The following TACC1 variants were observed in gnomAD, a reference collection of about 807,000 sequenced individuals.
TACC1 encodes transforming acidic coiled-coil containing protein 1.
Under a neutral mutation model 84.4 loss-of-function variants are expected in TACC1, and 48 were observed. That is an observed-to-expected ratio of 0.57 (90% CI 0.45 to 0.72). The LOEUF is 0.72. TACC1 is among the 30% of genes least tolerant of loss of function. The probability of loss-of-function intolerance (pLI) is 0.00; values close to 1 mark genes in which losing one functional copy is unlikely to be tolerated. For synonymous variants in TACC1, 372 were observed against 376.3 expected, an observed-to-expected ratio of 0.99 and a Z score of 0.13; for missense variants, 920 against 973.0, an observed-to-expected ratio of 0.95 and a Z score of 0.72.
intron 1 of TACC1, among the ~76,000 whole-genome samples, chr8:38,729,463 C>T (rs1473659008): frequency 1.3e-5 from 2 of 152,346 alleles, no homozygotes; most frequent in East Asian, 3.9e-4. Context: ...CATGTGCTGA[C>T]ACTGGACCTG....
chr8:38,802,628 G>A (rs984185027), intron 2 of TACC1, among the ~76,000 whole-genome samples: 2 of 152,190 alleles, frequency 1.3e-5, no homozygotes, highest in African/African-American at 2.4e-5. Context: ...AAGAAAAAAG[G>A]TTTATTTGGC....
At chr8:38,737,730 CTT>C (rs11327216) in intron 1 of TACC1, among the ~76,000 whole-genome samples, 10 of 143,298 alleles carry the variant, frequency 7.0e-5, no homozygotes, top group Admixed American at 7.0e-5. Flanking sequence ...GGGAGCCATT[CTT>C]TTTTTTTTTT....
At chr8:38,745,877 A>T (rs1367391858) in intron 3 of TACC1, among the ~76,000 whole-genome samples, 1 of 146,212 alleles carries the variant, frequency 6.8e-6, no homozygotes, top group Non-Finnish European at 1.5e-5. Context: ...ATGAGGTCTC[A>T]CTCTGTCACA....
chr8:38,806,258 G>A (rs891050173), intron 2 of TACC1, among the ~76,000 whole-genome samples: 4 of 152,172 alleles, frequency 2.6e-5, no homozygotes, highest in Admixed American at 6.5e-5. Flanking sequence ...GCTCTCAGTG[G>A]TGTGACAGTA....
At chr8:38,734,425 A>C (rs978373461) in intron 1 of TACC1, among the ~76,000 whole-genome samples, 2 of 151,966 alleles carry the variant, frequency 1.3e-5, no homozygotes, top group African/African-American at 4.8e-5. Flanking sequence ...TGAACTTCTG[A>C]CCTCAGGTGA....
At chr8:38,751,961 T>C (rs1260427575) in intron 3 of TACC1, among the ~76,000 whole-genome samples, 3 of 152,216 alleles carry the variant, frequency 2.0e-5, no homozygotes, top group African/African-American at 7.2e-5. Context: ...TGTTATTTTT[T>C]TCCTGGTGCT....
chr8:38,749,148 A>C (rs1000869758), intron 3 of TACC1, among the ~76,000 whole-genome samples: 1 of 152,208 alleles, frequency 6.6e-6, no homozygotes, highest in Non-Finnish European at 1.5e-5. Context: ...GTTATGAACA[A>C]CTTTATGACA....
At chr8:38,785,721 C>G, upstream of TACC1, 7 of 985,376 alleles carry the variant, frequency 7.1e-6, no homozygotes, top group Non-Finnish European at 8.4e-6. Flanking sequence ...GACTGTAGAA[C>G]CTGAAGTTTT....
rs779300910 is a variant in TACC1, at chr8:38,819,732, C to T, written c.488C>T (p.Ser163Leu). The T allele has an allele frequency of 8.7e-6, 14 of 1,613,986 alleles. No individual in the cohort carries two copies. The highest frequency in any genetic ancestry group is 1.7e-5 in the Admixed American group (1 of 60,002). The change falls in exon 3 of 13, where the codon TCG becomes TTG. Residue 163 changes from serine to leucine, a missense_variant. By Grantham distance (145) the Ser-to-Leu change is moderately radical. Around this residue, in one of 2 missense-constraint regions of TACC1, gnomAD observed 762 missense variants for 747.3 expected, o/e 1.02. Transcript: ENST00000317827. The stretch of plus-strand genomic sequence containing the variant: ...GAAACGAAGGATTCCACGGATATCT[C>T]GGCAGTCCTCGGAACAAAAGCAGCT... ...SIETKDSTDI[S>L]AVLGTKAAHG...
chr8:38,816,301 T>A (rs1038757977), intron 2 of TACC1, among the ~76,000 whole-genome samples: 26 of 152,344 alleles, frequency 1.7e-4, no homozygotes, highest in Non-Finnish European at 2.2e-4. Context: ...AGTATCATTT[T>A]AAAAAAATCT....
intron 3 of TACC1, among the ~76,000 whole-genome samples, chr8:38,774,341 G>A (rs1814352302): frequency 6.6e-6 from 1 of 152,168 alleles, no homozygotes. Context: ...TTCTATGAGG[G>A]CAGGAACTGG....
intron 2 of TACC1, among the ~76,000 whole-genome samples, chr8:38,810,607 A>T (rs958894426): frequency 2.0e-5 from 3 of 152,112 alleles, no homozygotes; most frequent in African/African-American, 7.2e-5. Flanking sequence ...CTGTCTCCAA[A>T]AAATAAATAA....
intron 2 of TACC1, among the ~76,000 whole-genome samples, chr8:38,815,412 A>G (rs553259598): frequency 6.6e-6 from 1 of 152,194 alleles, no homozygotes; most frequent in South Asian, 2.1e-4. Flanking sequence ...CATATAATAG[A>G]TTTTTTGTTT....
chr8:38,804,497 T>G (rs977605370), intron 2 of TACC1, among the ~76,000 whole-genome samples: 1 of 152,106 alleles, frequency 6.6e-6, no homozygotes, highest in African/African-American at 2.4e-5. Flanking sequence ...GATGGGGTTT[T>G]GCCATGTTGG....
At chr8:38,785,340 G>A (rs1331635518), upstream of TACC1, among the ~76,000 whole-genome samples, 1 of 152,100 alleles carries the variant, frequency 6.6e-6, no homozygotes, top group African/African-American at 2.4e-5. Flanking sequence ...AAGAAGGCTG[G>A]CGGATGATTC....
intron 2 of TACC1, among the ~76,000 whole-genome samples, chr8:38,795,446 T>C (rs1819744912): frequency 6.6e-6 from 1 of 152,238 alleles, no homozygotes; most frequent in African/African-American, 2.4e-5. Context: ...AGAGACACTT[T>C]CTACCTGTGT....
chr8:38,805,247 G>C (rs994106380), intron 2 of TACC1, among the ~76,000 whole-genome samples: 1 of 152,156 alleles, frequency 6.6e-6, no homozygotes, highest in African/African-American at 2.4e-5. Context: ...CCTCTTCCCA[G>C]CTTACTTCTA....
chr8:38,783,891 G>A (rs1192245329), upstream of TACC1, among the ~76,000 whole-genome samples: 1 of 152,324 alleles, frequency 6.6e-6, no homozygotes, highest in Middle Eastern at 3.4e-3. Context: ...ACAGGTAAAG[G>A]ATAATTAGGT....
intron 2 of TACC1, among the ~76,000 whole-genome samples, chr8:38,798,923 C>T (rs751284916): frequency 1.6e-4 from 24 of 151,908 alleles, no homozygotes; most frequent in African/African-American, 3.4e-4. Flanking sequence ...TAAGTGAGAA[C>T]GAACATATAT....
Sources: allele counts gnomAD v4.1 joint callset (sites outside exome capture counted in the v4.1 genomes callset), GRCh38; gene constraint gnomAD v4.1.1; regional missense constraint gnomAD v4.1.1; transcripts MANE v1.5; gene names NCBI Gene and HGNC (gene_info 2026-07-23, HGNC 2026-07-21).